PEAK1: variants seen among roughly 807,000 people sequenced by gnomAD.
The protein encoded by PEAK1 is pseudopodium enriched atypical kinase 1, also known as inactive tyrosine-protein kinase PEAK1.
PEAK1 carries 54 observed loss-of-function variants against 124.7 expected under a neutral mutation model. The observed-to-expected ratio is 0.43, with a 90% CI of 0.35 to 0.54. PEAK1 has a LOEUF of 0.54. Among genes scored for constraint, PEAK1 ranks in the 20% least tolerant of loss-of-function variants. The pLI is 0.01. For missense variants in PEAK1, 2,046 were observed against 2,134.5 expected, an observed-to-expected ratio of 0.96 and a Z score of 0.82; for synonymous variants, 719 against 760.0, an observed-to-expected ratio of 0.95 and a Z score of 0.89.
chr15:77,225,915 G>C (rs959736449), intron 6 of PEAK1, among the ~76,000 whole-genome samples: 41 of 145,724 alleles, frequency 2.8e-4, no homozygotes, highest in African/African-American at 1.0e-3. Context: ...TAAATGCTAG[G>C]CAAAGTTCAT....
chr15:77,394,396 T>C (rs1374093110), intron 1 of PEAK1, among the ~76,000 whole-genome samples: 2 of 152,214 alleles, frequency 1.3e-5, no homozygotes, highest in African/African-American at 4.8e-5. Context: ...AGTGCTTGTG[T>C]CACCCTCCTC....
chr15:77,156,561 G>T (rs1047701144), intron 8 of PEAK1: 11 of 152,400 alleles, frequency 7.2e-5, no homozygotes, highest in African/African-American at 2.4e-4. Context: ...ACCTCAGATG[G>T]AAATGCAGAA....
chr15:77,124,429 T>G (rs1167216860), intron 9 of PEAK1, among the ~76,000 whole-genome samples: 1 of 152,216 alleles, frequency 6.6e-6, no homozygotes, highest in Non-Finnish European at 1.5e-5. Context: ...CCCATTGAGA[T>G]CTCATCTTTC....
intron 5 of PEAK1, among the ~76,000 whole-genome samples, chr15:77,255,883 AG>A (rs1206097806): frequency 1.3e-5 from 2 of 152,306 alleles, no homozygotes; most frequent in East Asian, 1.9e-4. Flanking sequence ...CACATCAGGT[AG>A]AATAAAGAAA....
chr15:77,376,671 T>A (rs1323710849), intron 1 of PEAK1, among the ~76,000 whole-genome samples: 2 of 152,204 alleles, frequency 1.3e-5, no homozygotes, highest in Non-Finnish European at 2.9e-5. Context: ...AATGAAAAAT[T>A]TAAAGAGTAG....
At chr15:77,382,506 G>A (rs1291148554) in intron 1 of PEAK1, among the ~76,000 whole-genome samples, 1 of 151,848 alleles carries the variant, frequency 6.6e-6, no homozygotes, top group Non-Finnish European at 1.5e-5. Flanking sequence ...CTTCCTCTTG[G>A]GCCCTTCAAT....
chr15:77,404,384 T>C (rs1176258284), intron 1 of PEAK1: 1 of 936,722 alleles, frequency 1.1e-6, no homozygotes, highest in East Asian at 1.2e-4. Flanking sequence ...GCAGCCAGTC[T>C]GAAGTGAAAT....
At position 77,349,648 on chromosome 15, in the gene PEAK1, G is replaced by A. The variant is rs535149773; in HGVS notation, c.-603+15515C>T. The A allele has an allele frequency of 2.9e-5, 29 of 984,476 alleles. No homozygotes were observed. The African/African-American group carries it at 4.5e-4, about 15-fold the overall frequency. 61.0% of individuals were successfully genotyped at this position (984,476 alleles called of 1,614,324 possible). On this transcript the variant is annotated intron_variant, in intron 2 of 9. Transcript: ENST00000682557. ...TATCATTAATGACTCTAATATTCAC[G>A]TACTTCAAAATTACTTAATCAATCC...
intron 2 of PEAK1, among the ~76,000 whole-genome samples, chr15:77,321,875 G>A (rs774901578): frequency 6.6e-5 from 10 of 152,100 alleles, no homozygotes; most frequent in Non-Finnish European, 1.2e-4. Context: ...TTCTACACAT[G>A]GCTAGCCAGT....
At chr15:77,387,770 A>C (rs376913858) in intron 1 of PEAK1, among the ~76,000 whole-genome samples, 3 of 152,342 alleles carry the variant, frequency 2.0e-5, no homozygotes, top group African/African-American at 7.2e-5. Context: ...AAAATAAATA[A>C]AATAGTGACA....
intron 6 of PEAK1, among the ~76,000 whole-genome samples, chr15:77,243,705 T>C (rs1197261781): frequency 2.0e-5 from 3 of 152,020 alleles, no homozygotes; most frequent in Non-Finnish European, 4.4e-5. Context: ...TGTGGTGGCT[T>C]ACGCCTGTAA....
chr15:77,153,673 T>TC (rs2054862097), intron 8 of PEAK1, among the ~76,000 whole-genome samples: 1 of 152,220 alleles, frequency 6.6e-6, no homozygotes, highest in South Asian at 2.1e-4. Flanking sequence ...CCAGAGATTC[T>TC]GGTATGTTGT....
chr15:77,366,125 C>G (rs979576582), intron 1 of PEAK1, among the ~76,000 whole-genome samples: 19 of 152,154 alleles, frequency 1.2e-4, no homozygotes, highest in Non-Finnish European at 2.6e-4. Context: ...CAGTTCTTCT[C>G]CTTACCAGAC....
rs113112898 is a variant in PEAK1, at chr15:77,261,186, A to G, written c.-274-8660T>C. Among the ~76,000 whole-genome samples the G allele has an allele frequency of 7.6e-3, 1,165 of 152,320 alleles. 15 individuals are homozygous for G. Among genetic ancestry groups the G allele is most frequent in the African/African-American group, 0.027 (1,112 of 41,564 alleles). ...AAAGATGGGGAAAAAACAGAGCAGAAACACTGAAAATTCTAAAAATCAGAG... is the reference window on the plus strand; with the variant it reads ...AAAGATGGGGAAAAAACAGAGCAGAGACACTGAAAATTCTAAAAATCAGAG... On this transcript the variant is annotated intron_variant, in intron 5 of 9. Coordinates refer to ENST00000682557, the MANE Select transcript of PEAK1 (RefSeq NM_001385026.1).
At chr15:77,104,730 A>T (rs1282906636), downstream of PEAK1, 1 of 152,168 alleles carries the variant, frequency 6.6e-6, no homozygotes, top group Non-Finnish European at 1.5e-5. Flanking sequence ...GGAAGCTGGG[A>T]GGTGGAGTAC....
intron 1 of PEAK1, chr15:77,404,230 G>T: frequency 1.0e-6 from 1 of 985,348 alleles, no homozygotes; most frequent in Non-Finnish European, 1.2e-6. Context: ...AGGATCCATG[G>T]TGTAACTTGG....
intron 5 of PEAK1, chr15:77,278,424 G>T: frequency 2.6e-6 from 1 of 391,496 alleles, no homozygotes. Flanking sequence ...ACTGACCAAA[G>T]CCCACATAAC....
chr15:77,114,638 A>G lies in PEAK1; in HGVS notation c.4759T>C (p.Tyr1587His), dbSNP rs1445455651. 3 of 1,613,552 alleles carry G rather than the reference A, an allele frequency of 1.9e-6. No homozygotes were observed. Among genetic ancestry groups the G allele is most frequent in the Non-Finnish European group, 2.5e-6 (3 of 1,179,956 alleles). Residue 1587 changes from tyrosine (Y) to histidine (H), a missense_variant, in exon 10 of 10, where the codon TAT (tyrosine) becomes CAT (histidine). Physicochemically the swap from Tyr to His is moderately conservative, Grantham distance 83 (BLOSUM62 2). Coordinates refer to ENST00000682557, the MANE Select transcript of PEAK1 (RefSeq NM_001385026.1). The stretch of plus-strand genomic sequence containing the variant: ...GTCTGGAACTCATCACACTTTTTAT[A>G]CTGGGTAGCTGTTATGATCTCTGGG... ...LAPEIITATQ[Y>H]KKCDEFQTGI...
intron 6 of PEAK1, among the ~76,000 whole-genome samples, chr15:77,207,733 A>G (rs2058728033): frequency 6.6e-6 from 1 of 152,162 alleles, no homozygotes; most frequent in African/African-American, 2.4e-5. Context: ...AAACTATTCT[A>G]TATGATACTA....
Sources: allele counts gnomAD v4.1 joint callset (sites outside exome capture counted in the v4.1 genomes callset), GRCh38; gene constraint gnomAD v4.1.1; transcripts MANE v1.5; gene names NCBI Gene and HGNC (gene_info 2026-07-23, HGNC 2026-07-21).